The following RBFOX1 variants were observed in gnomAD, a reference collection of about 807,000 sequenced individuals.
RBFOX1 encodes the protein RNA binding protein fox-1 homolog 1.
In RBFOX1, 8 loss-of-function variants were observed where a neutral mutation model predicts 57.7. That is an observed-to-expected ratio of 0.14 (90% CI 0.08 to 0.25). The LOEUF (loss-of-function observed/expected upper bound fraction) is 0.25, where lower values mean the gene tolerates loss of function less well. Among genes scored for constraint, RBFOX1 ranks in the 10% least tolerant of loss-of-function variants. The pLI, the probability that RBFOX1 is intolerant of heterozygous loss-of-function variation, is 1.00. For missense variants in RBFOX1, 611 were observed against 548.5 expected, an observed-to-expected ratio of 1.11 and a Z score of -1.14; for synonymous variants, 326 against 222.4, an observed-to-expected ratio of 1.47 and a Z score of -4.15.
chr16:7,455,771 A>G (rs1302846953), intron 4 of RBFOX1, among the ~76,000 whole-genome samples: 2 of 141,290 alleles, frequency 1.4e-5, no homozygotes, highest in African/African-American at 5.2e-5. Context: ...TGGGAACAGA[A>G]TGAGACTCCA....
chr16:7,211,923 G>T (rs530388141), intron 4 of RBFOX1, among the ~76,000 whole-genome samples: 7 of 152,052 alleles, frequency 4.6e-5, no homozygotes, highest in Non-Finnish European at 8.8e-5. Context: ...CTACCCACAG[G>T]CGCCGTAAAT....
intron 4 of RBFOX1, among the ~76,000 whole-genome samples, chr16:7,467,706 G>A (rs1272745428): frequency 2.6e-5 from 4 of 152,176 alleles, no homozygotes; most frequent in South Asian, 2.1e-4. Context: ...ATATAAACTC[G>A]GATCTGTCTA....
At chr16:7,124,542 TCTCC>T (rs763803701) in intron 4 of RBFOX1, among the ~76,000 whole-genome samples, 27 of 81,606 alleles carry the variant, frequency 3.3e-4, no homozygotes, top group African/African-American at 8.0e-4. Context: ...TCCTTCCCTC[TCTCC>T]CTCCCTCCCT....
At chr16:7,456,858 A>G (rs560003179) in intron 4 of RBFOX1, among the ~76,000 whole-genome samples, 1 of 151,752 alleles carries the variant, frequency 6.6e-6, no homozygotes, top group East Asian at 1.9e-4. Flanking sequence ...GAAAGGGCAT[A>G]TTTTGGGTAT....
intron 3 of RBFOX1, among the ~76,000 whole-genome samples, chr16:6,789,035 C>G (rs74007043): frequency 1.6e-4 from 24 of 152,094 alleles, no homozygotes; most frequent in Admixed American, 1.2e-3. Context: ...GATGGTTCTC[C>G]TGCTGTATAG....
chr16:6,892,790 C>T (rs1394016092), intron 3 of RBFOX1, among the ~76,000 whole-genome samples: 3 of 80,246 alleles, frequency 3.7e-5, no homozygotes, highest in South Asian at 7.0e-4. Context: ...CTCTCTCTCT[C>T]TCTCTCTCTC....
chr16:7,646,758 G>A (rs764425193), intron 11 of RBFOX1, among the ~76,000 whole-genome samples: 32 of 152,186 alleles, frequency 2.1e-4, no homozygotes, highest in Non-Finnish European at 4.6e-4. Flanking sequence ...ACTTTAATAT[G>A]CAGTTTATAA....
At chr16:7,702,106 C>T (rs1027494983) in intron 14 of RBFOX1, among the ~76,000 whole-genome samples, 5 of 152,182 alleles carry the variant, frequency 3.3e-5, no homozygotes, top group East Asian at 1.9e-4. Context: ...ATTACCCCAA[C>T]ATTTTCTCAA....
At chr16:5,766,012 C>T (rs892845735) in intron 3 of RBFOX1, among the ~76,000 whole-genome samples, 3 of 152,178 alleles carry the variant, frequency 2.0e-5, no homozygotes, top group African/African-American at 7.2e-5. Context: ...AGAGTCAGCC[C>T]ATTGGGACAG....
chr16:6,804,776 C>G (rs991732839), intron 3 of RBFOX1, among the ~76,000 whole-genome samples: 2 of 152,188 alleles, frequency 1.3e-5, no homozygotes, highest in Non-Finnish European at 2.9e-5. Flanking sequence ...GGGGGCCGTT[C>G]CCTACTCTAT....
intron 1 of RBFOX1, among the ~76,000 whole-genome samples, chr16:6,228,589 C>A (rs1480533353): frequency 6.6e-6 from 1 of 152,102 alleles, no homozygotes; most frequent in Non-Finnish European, 1.5e-5. Flanking sequence ...CATTATCTAA[C>A]TTATATATGG....
intron 4 of RBFOX1, among the ~76,000 whole-genome samples, chr16:7,118,671 C>T (rs2066454332): frequency 6.6e-6 from 1 of 152,100 alleles, no homozygotes; most frequent in South Asian, 2.1e-4. Context: ...GTTGTGGGTC[C>T]TGCTCACATT....
chr16:6,509,125 C>T lies in RBFOX1; in HGVS notation c.-63-145478C>T, dbSNP rs374642944. Among the ~76,000 whole-genome samples the T allele has an allele frequency of 3.8e-3, 584 of 152,240 alleles. 3 individuals are homozygous for T. The Middle Eastern group carries it at 0.041, about 11-fold the overall frequency. The stretch of plus-strand genomic sequence containing the variant: ...GAGTAACCAGATTTTGTTGTGCTTT[C>T]TTTTGTCTTAAGTAACCCTTAACCT... On this transcript the variant is annotated intron_variant, in intron 2 of 15. Coordinates refer to ENST00000550418, the MANE Select transcript of RBFOX1 (RefSeq NM_018723.4).
At chr16:5,354,919 C>G (rs1343426966) in intron 1 of RBFOX1, among the ~76,000 whole-genome samples, 1 of 152,032 alleles carries the variant, frequency 6.6e-6, no homozygotes, top group Non-Finnish European at 1.5e-5. Context: ...ATCTGCTCAG[C>G]TAAGGGCGCC....
At chr16:7,504,735 A>ATATT (rs1555526302) in intron 4 of RBFOX1, among the ~76,000 whole-genome samples, 1 of 13,140 alleles carries the variant, frequency 7.6e-5, no homozygotes, top group African/African-American at 2.6e-4. Flanking sequence ...ATATATATAT[A>ATATT]TATATATATA....
intron 3 of RBFOX1, among the ~76,000 whole-genome samples, chr16:5,638,402 G>A (rs878513): frequency 0.88 from 134,151 of 152,156 alleles, 59,563 homozygotes; most frequent in African/African-American, 0.92. Context: ...GCCCTAGCAG[G>A]GGGAGGGCTT....
chr16:5,347,549 C>T (rs1373792506), intron 1 of RBFOX1, among the ~76,000 whole-genome samples: 1 of 152,038 alleles, frequency 6.6e-6, no homozygotes, highest in Non-Finnish European at 1.5e-5. Context: ...CTATTCCATC[C>T]ACCTACCGAC....
At chr16:5,901,121 T>A (rs1331559299) in intron 4 of RBFOX1, among the ~76,000 whole-genome samples, 3 of 152,164 alleles carry the variant, frequency 2.0e-5, no homozygotes, top group African/African-American at 7.2e-5. Flanking sequence ...CGCGTGTTGA[T>A]TAAGTCTGGC....
At chr16:6,133,603 T>G (rs2096645324) in intron 1 of RBFOX1, among the ~76,000 whole-genome samples, 1 of 152,172 alleles carries the variant, frequency 6.6e-6, no homozygotes, top group African/African-American at 2.4e-5. Context: ...AATCCATATC[T>G]TATTTCACTC....
Sources: allele counts gnomAD v4.1 joint callset (sites outside exome capture counted in the v4.1 genomes callset), GRCh38; gene constraint gnomAD v4.1.1; transcripts MANE v1.5; gene names NCBI Gene and HGNC (gene_info 2026-07-23, HGNC 2026-07-21).